The following FOXN3 variants were observed in gnomAD, a reference collection of about 807,000 sequenced individuals.
The protein encoded by FOXN3 is forkhead box protein N3.
A neutral mutation model predicts 38.4 loss-of-function variants in FOXN3; 7 were observed. The ratio of observed to expected loss-of-function variants is 0.18; its 90% confidence interval spans 0.10 to 0.34. The LOEUF (loss-of-function observed/expected upper bound fraction) is 0.34. Ranked by LOEUF, FOXN3 falls within the 10% of genes least tolerant of loss-of-function variation. The pLI, the probability that FOXN3 is intolerant of heterozygous loss-of-function variation, is 1.00. For synonymous variants in FOXN3, 230 were observed against 242.2 expected (o/e 0.95, Z 0.47); for missense variants, 456 against 613.4 (o/e 0.74, Z 2.71).
At chr14:89,339,542 T>C (rs1888557278) in intron 3 of FOXN3, among the ~76,000 whole-genome samples, 1 of 152,160 alleles carries the variant, frequency 6.6e-6, no homozygotes, top group Non-Finnish European at 1.5e-5. Context: ...CTTCCAATGC[T>C]GGGGAGGCAG....
chr14:89,302,803 C>T (rs766369331), intron 3 of FOXN3, among the ~76,000 whole-genome samples: 8 of 152,108 alleles, frequency 5.3e-5, no homozygotes, highest in Non-Finnish European at 8.8e-5. Context: ...TCCACCTCCA[C>T]CCTCTTCAAA....
At chr14:89,427,301 C>CTTTTTTTTT (rs34755821) in intron 1 of FOXN3, among the ~76,000 whole-genome samples, 2 of 67,744 alleles carry the variant, frequency 3.0e-5, no homozygotes, top group African/African-American at 1.2e-4. Context: ...GAAAAGGGGA[C>CTTTTTTTTT]TTTTTTTTTT....
At chr14:89,331,734 C>T (rs1596189778) in intron 3 of FOXN3, among the ~76,000 whole-genome samples, 1 of 152,218 alleles carries the variant, frequency 6.6e-6, no homozygotes. Flanking sequence ...ATATACCATA[C>T]ATAACTGAAA....
chr14:89,228,029 C>G (rs962000237), intron 4 of FOXN3, among the ~76,000 whole-genome samples: 1 of 152,176 alleles, frequency 6.6e-6, no homozygotes, highest in Non-Finnish European at 1.5e-5. Flanking sequence ...AATGCACCAC[C>G]GTGCCTGGCC....
intron 3 of FOXN3, among the ~76,000 whole-genome samples, chr14:89,315,195 C>A (rs987782230): frequency 2.0e-5 from 3 of 151,996 alleles, no homozygotes; most frequent in Non-Finnish European, 4.4e-5. Flanking sequence ...CCTTTTTATT[C>A]CTTCTCCTAC....
chr14:89,592,062 G>A (rs946981607), intron 1 of FOXN3, among the ~76,000 whole-genome samples: 3 of 151,844 alleles, frequency 2.0e-5, no homozygotes, highest in Non-Finnish European at 2.9e-5. Flanking sequence ...AAAAGAACAA[G>A]AAACATTTAG....
chr14:89,251,988 T>G (rs183885130), intron 4 of FOXN3, among the ~76,000 whole-genome samples: 19 of 152,382 alleles, frequency 1.2e-4, no homozygotes, highest in Admixed American at 9.8e-4. Flanking sequence ...CAGTAGGCTT[T>G]GGCTGAAACA....
At chr14:89,322,177 C>T (rs1566955885) in intron 3 of FOXN3, among the ~76,000 whole-genome samples, 1 of 152,146 alleles carries the variant, frequency 6.6e-6, no homozygotes, top group South Asian at 2.1e-4. Flanking sequence ...TCTGCTCTTA[C>T]AGGGCAACTG....
At chr14:89,298,274 A>T (rs886616865) in intron 3 of FOXN3, among the ~76,000 whole-genome samples, 9 of 152,150 alleles carry the variant, frequency 5.9e-5, no homozygotes, top group African/African-American at 1.9e-4. Context: ...GTTGCCAGGA[A>T]CTAGGTGGAG....
intron 1 of FOXN3, among the ~76,000 whole-genome samples, chr14:89,443,885 T>C (rs1369701515): frequency 6.6e-6 from 1 of 151,700 alleles, no homozygotes; most frequent in Non-Finnish European, 1.5e-5. Context: ...GGTGCATGCC[T>C]GTAATCCCAG....
chr14:89,471,521 T>C (rs1301934586), intron 1 of FOXN3, among the ~76,000 whole-genome samples: 1 of 151,950 alleles, frequency 6.6e-6, no homozygotes, highest in Admixed American at 6.6e-5. Context: ...GAGGCTGAGG[T>C]TGCAGTGAGC....
intron 1 of FOXN3, among the ~76,000 whole-genome samples, chr14:89,463,015 C>T (rs1036772447): frequency 1.3e-5 from 2 of 151,444 alleles, no homozygotes; most frequent in African/African-American, 2.4e-5. Context: ...GCCACCAGAC[C>T]GGCCAGGCGC....
chr14:89,538,842 T>C (rs1894740629), intron 1 of FOXN3, among the ~76,000 whole-genome samples: 1 of 151,904 alleles, frequency 6.6e-6, no homozygotes, highest in Non-Finnish European at 1.5e-5. Flanking sequence ...ATTTATTTAT[T>C]TATCTATTTA....
chr14:89,334,098 A>G (rs1237325659), intron 3 of FOXN3, among the ~76,000 whole-genome samples: 5 of 151,586 alleles, frequency 3.3e-5, no homozygotes, highest in Non-Finnish European at 2.9e-5. Flanking sequence ...GCCATTTTTG[A>G]CAGCATGGAT....
intron 4 of FOXN3, among the ~76,000 whole-genome samples, chr14:89,264,438 G>A (rs1885904795): frequency 6.6e-6 from 1 of 152,156 alleles, no homozygotes; most frequent in African/African-American, 2.4e-5. Context: ...TCACCCCCAT[G>A]ATTCAATTAT....
At chr14:89,358,427 G>A (rs1463443189) in intron 2 of FOXN3, among the ~76,000 whole-genome samples, 2 of 152,132 alleles carry the variant, frequency 1.3e-5, no homozygotes, top group African/African-American at 2.4e-5. Flanking sequence ...GGTCGAAAAG[G>A]AAGACCCCCA....
In FOXN3 at chr14:89,212,484, C is replaced by T. The variant is rs557713247; in HGVS notation, c.746-31678G>A. Among the ~76,000 whole-genome samples the T allele has an allele frequency of 3.3e-5, 5 of 152,312 alleles. No individual in the cohort carries two copies. The South Asian group carries it at 1.0e-3, about 32-fold the overall frequency. ...AGGCTGGGTTTTCCTGCCGTGACCT[C>T]CCAGTGCCCATTCTCCAGTGCCTGG... On this transcript the variant is annotated intron_variant, in intron 4 of 5. Coordinates refer to ENST00000557258, the MANE Select transcript of FOXN3 (RefSeq NM_005197.4).
chr14:89,450,950 A>G (rs1892603009), intron 1 of FOXN3, among the ~76,000 whole-genome samples: 1 of 152,156 alleles, frequency 6.6e-6, no homozygotes, highest in African/African-American at 2.4e-5. Context: ...ATTCCTTCCT[A>G]GGTATCCATG....
At chr14:89,221,977 G>C (rs942079439) in intron 4 of FOXN3, among the ~76,000 whole-genome samples, 1 of 152,004 alleles carries the variant, frequency 6.6e-6, no homozygotes, top group Non-Finnish European at 1.5e-5. Context: ...CGCCCGCCAC[G>C]GCGCCCGGCT....
Sources: allele counts gnomAD v4.1 joint callset (sites outside exome capture counted in the v4.1 genomes callset), GRCh38; gene constraint gnomAD v4.1.1; transcripts MANE v1.5; gene names NCBI Gene and HGNC (gene_info 2026-07-23, HGNC 2026-07-21).